Variants in UBE3C observed in about 807,000 individuals in gnomAD.
UBE3C encodes ubiquitin-protein ligase E3C.
In UBE3C, 42 loss-of-function variants were observed where a neutral mutation model predicts 129.4. That is an observed-to-expected ratio of 0.32 (90% CI 0.25 to 0.42). UBE3C has a LOEUF of 0.42. Among genes scored for constraint, UBE3C ranks in the 10% least tolerant of loss-of-function variants. The pLI, the probability that UBE3C is intolerant of heterozygous loss-of-function variation, is 1.00. For missense variants in UBE3C, 1,049 were observed against 1,319.1 expected, an observed-to-expected ratio of 0.80 and a Z score of 3.17; for synonymous variants, 510 against 492.4, an observed-to-expected ratio of 1.04 and a Z score of -0.47.
At chr7:157,152,036 A>G (rs1807769606) in intron 1 of UBE3C, among the ~76,000 whole-genome samples, 1 of 152,210 alleles carries the variant, frequency 6.6e-6, no homozygotes. Flanking sequence ...TAGGATTCTT[A>G]GGACTATTTA....
chr7:157,182,398 G>A, intron 8 of UBE3C, 70 bp downstream of exon 8: 1 of 1,475,754 alleles, frequency 6.8e-7, no homozygotes, highest in Admixed American at 1.9e-5. Flanking sequence ...TCAAGAGAAG[G>A]CCATGCAGTG....
rs77471740 is a variant in UBE3C, at chr7:157,171,686, ATTTTTTTTTTTTTTTTTT to A, written c.342+1257_342+1274del. On this transcript the variant is annotated intron_variant, in intron 4 of 22. Coordinates refer to ENST00000348165, the MANE Select transcript of UBE3C (RefSeq NM_014671.3). ...TATATATATATATATATATATATATATTTTTTTTTTTTTTTTTTTTTTTTTTTTTTTTTTTTTTGAGAC... is the reference window on the plus strand; with the variant it reads ...TATATATATATATATATATATATATATTTTTTTTTTTTTTTTTTTTGAGAC... 4.8e-3 allele frequency among the ~76,000 whole-genome samples: 181 copies of A among 37,556 alleles called. 4 individuals carry two copies. Among genetic ancestry groups the A allele is most frequent in the African/African-American group, 0.011 (121 of 11,466 alleles). 24.6% of individuals were successfully genotyped at this position (37,556 alleles called of 152,430 possible).
intron 18 of UBE3C, among the ~76,000 whole-genome samples, chr7:157,241,461 C>G (rs1796322723): frequency 6.6e-6 from 1 of 152,174 alleles, no homozygotes; most frequent in Admixed American, 6.5e-5. Flanking sequence ...TTGGTTCGTG[C>G]AAAGATGGCC....
chr7:157,165,218 C>CA (rs1434932361), intron 2 of UBE3C, among the ~76,000 whole-genome samples: 4 of 152,068 alleles, frequency 2.6e-5, no homozygotes, highest in African/African-American at 9.7e-5. Flanking sequence ...GCTTTTGCTT[C>CA]ATTCTTCTCC....
intron 18 of UBE3C, among the ~76,000 whole-genome samples, chr7:157,241,510 C>T (rs887432262): frequency 6.6e-6 from 1 of 152,242 alleles, no homozygotes; most frequent in African/African-American, 2.4e-5. Flanking sequence ...AGCATAGCCA[C>T]AGGCTGCCGC....
intron 1 of UBE3C, among the ~76,000 whole-genome samples, chr7:157,145,882 G>A (rs905082345): frequency 6.6e-6 from 1 of 152,038 alleles, no homozygotes; most frequent in African/African-American, 2.4e-5. Flanking sequence ...GTATCTGTGT[G>A]GTACATTTGT....
In UBE3C at chr7:157,171,696, T is replaced by A. The variant is rs1281904553; in HGVS notation, c.342+1246T>A. On this transcript the variant is annotated intron_variant, in intron 4 of 22. Coordinates refer to ENST00000348165, the MANE Select transcript of UBE3C (RefSeq NM_014671.3). ...TATATATATATATATATTTTTTTTT[T>A]TTTTTTTTTTTTTTTTTTTTTTTTT... Among the ~76,000 whole-genome samples, 197 of 20,512 alleles carry A rather than the reference T, an allele frequency of 9.6e-3. 1 individual carries two copies. The highest frequency in any genetic ancestry group is 0.044 in the African/African-American group (75 of 1,722). The allele number at this position is 20,512 out of a possible 152,430, so 13.5% of individuals were successfully genotyped here.
chr7:157,196,659 A>G (rs546811904), intron 10 of UBE3C, among the ~76,000 whole-genome samples: 1 of 152,316 alleles, frequency 6.6e-6, no homozygotes, highest in African/African-American at 2.4e-5. Flanking sequence ...GCTGTTTATC[A>G]TATCTTCTTA....
rs542024840 is a variant in UBE3C, at chr7:157,267,387, C to A, written c.3082-198C>A. Among the ~76,000 whole-genome samples, 8 of 152,242 alleles carry A rather than the reference C, an allele frequency of 5.3e-5. No homozygotes were observed. In the South Asian group the frequency reaches 1.2e-3, roughly 24 times the overall value. The stretch of plus-strand genomic sequence containing the variant: ...CAGTGAGCTGAGATGGCGCCATTGC[C>A]CTCCAGCCTGGGCGACAGAGCTAGA... On this transcript the variant is annotated intron_variant, in intron 22 of 22. Coordinates refer to ENST00000348165, the MANE Select transcript of UBE3C (RefSeq NM_014671.3).
intron 14 of UBE3C, among the ~76,000 whole-genome samples, chr7:157,218,468 C>T (rs895451385): frequency 6.6e-6 from 1 of 151,822 alleles, no homozygotes; most frequent in Non-Finnish European, 1.5e-5. Flanking sequence ...AAAAAAAAAA[C>T]CATGTCACAG....
At position 157,187,121 on chromosome 7, in the gene UBE3C, G is replaced by A. The variant is rs1367898429; in HGVS notation, c.1331+100G>A. 2.2e-6 allele frequency: 3 copies of A among 1,337,084 alleles called. No homozygotes were observed. In the African/African-American group the frequency reaches 4.4e-5, roughly 20 times the overall value. 82.8% of individuals were successfully genotyped at this position (1,337,084 alleles called of 1,614,324 possible). On this transcript the variant is annotated intron_variant, in intron 10 of 22. Transcript: ENST00000348165. Reference sequence around the variant, plus strand: ...TCTTAAGTTTTGTCTGCTCTTTTCTGGTAGAGATTGATGTAGGATATTCTA... The same window carrying A: ...TCTTAAGTTTTGTCTGCTCTTTTCTAGTAGAGATTGATGTAGGATATTCTA...
intron 1 of UBE3C, among the ~76,000 whole-genome samples, chr7:157,150,684 CATG>C (rs1807733455): frequency 6.6e-6 from 1 of 152,054 alleles, no homozygotes; most frequent in Non-Finnish European, 1.5e-5. Context: ...TATTTATGAA[CATG>C]ATTTATTGTT....
At chr7:157,186,253 G>C (rs1231965510) in intron 9 of UBE3C, among the ~76,000 whole-genome samples, 1 of 151,976 alleles carries the variant, frequency 6.6e-6, no homozygotes, top group African/African-American at 2.4e-5. Context: ...GTGAAACCCT[G>C]TCTCTACTAA....
At chr7:157,228,733 C>T (rs1795942979) in intron 17 of UBE3C, among the ~76,000 whole-genome samples, 1 of 152,182 alleles carries the variant, frequency 6.6e-6, no homozygotes, top group Non-Finnish European at 1.5e-5. Flanking sequence ...CCCATCTTGT[C>T]CATTCAGTCA....
At chr7:157,204,630 C>T (rs1809383082) in intron 11 of UBE3C, among the ~76,000 whole-genome samples, 1 of 152,118 alleles carries the variant, frequency 6.6e-6, no homozygotes, top group East Asian at 1.9e-4. Context: ...CATCTTTATT[C>T]ATTTACCTCA....
chr7:157,143,974 CAGGG>C (rs200683755), intron 1 of UBE3C, among the ~76,000 whole-genome samples: 1,791 of 152,240 alleles, frequency 0.012, 36 homozygotes, highest in African/African-American at 0.039. Flanking sequence ...GAGTGAATCT[CAGGG>C]AGGGAGGAGT....
intron 18 of UBE3C, among the ~76,000 whole-genome samples, chr7:157,247,029 T>TATAG (rs1796495054): frequency 6.6e-6 from 1 of 152,170 alleles, no homozygotes; most frequent in South Asian, 2.1e-4. Flanking sequence ...TAGCTGGGAT[T>TATAG]ATAGGCATAT....
Position 157,179,163 on chromosome 7 carries a change from C to T in UBE3C, c.616+316C>T, listed in dbSNP as rs543793226. ...AGATTGGTGTCTGCAGTGCAGCTGCCGGTCCTTCACCTGACCAGGAAGGGC... is the reference window on the plus strand; with the variant it reads ...AGATTGGTGTCTGCAGTGCAGCTGCTGGTCCTTCACCTGACCAGGAAGGGC... On this transcript the variant is annotated intron_variant, in intron 6 of 22. Coordinates refer to ENST00000348165, the MANE Select transcript of UBE3C (RefSeq NM_014671.3). 7.2e-5 allele frequency among the ~76,000 whole-genome samples: 11 copies of T among 151,924 alleles called. No homozygotes were observed. The South Asian group carries it at 1.9e-3, about 26-fold the overall frequency.
At chr7:157,247,291 A>G (rs1796503663) in intron 18 of UBE3C, among the ~76,000 whole-genome samples, 1 of 152,238 alleles carries the variant, frequency 6.6e-6, no homozygotes, top group Admixed American at 6.5e-5. Flanking sequence ...GATGGACCAC[A>G]TGGAAACAAG....
Sources: gnomAD v4.1 joint callset for allele counts (sites outside exome capture counted in the v4.1 genomes callset) on GRCh38, gnomAD v4.1.1 for gene constraint, MANE v1.5 for transcripts, NCBI Gene and HGNC (gene_info 2026-07-23, HGNC 2026-07-21) for gene names.